The following TBC1D4 variants were observed in gnomAD, a reference collection of about 807,000 sequenced individuals.
TBC1D4 encodes TBC (Tre-2, BUB2, CDC16) domain-containing protein.
A neutral mutation model predicts 142.5 loss-of-function variants in TBC1D4; 121 were observed. The ratio of observed to expected loss-of-function variants is 0.85; its 90% CI spans 0.73 to 0.99. TBC1D4 has a LOEUF of 0.99. TBC1D4 is among the 50% of genes least tolerant of loss of function. TBC1D4 has a pLI of 0.00. For missense variants in TBC1D4, 1,475 were observed against 1,606.6 expected, an observed-to-expected ratio of 0.92 and a Z score of 1.40; for synonymous variants, 630 against 628.2, an observed-to-expected ratio of 1.00 and a Z score of -0.04.
chr13:75,289,168 CT>C, intron 19 of TBC1D4, 58 bp from the exon 20 acceptor site: 1 of 1,576,390 alleles, frequency 6.3e-7, no homozygotes, highest in Non-Finnish European at 8.7e-7. Flanking sequence ...AAGATACAGC[CT>C]GTTTATCTTG....
Position 75,349,222 on chromosome 13 carries a change from C to T in TBC1D4, c.1356G>A (p.Leu452=). ...AAGAGTGCATCGGGCAGGCCTCACA[C>T]AGTTTAATCTGCGTCTTGGCACTCT... is the stretch of plus-strand genomic sequence containing the variant. ...ALQSAKTQIK[L]CEACPMHSLH... Residue 452 remains leucine, a synonymous_variant, in exon 5 of 21, where the codon CTG becomes CTA. Coordinates refer to ENST00000377636, the MANE Select transcript of TBC1D4 (RefSeq NM_014832.5). 1 of 1,613,982 alleles carries T rather than the reference C, an allele frequency of 6.2e-7. No individual in the cohort carries two copies. Among genetic ancestry groups the T allele is most frequent in the Non-Finnish European group, 8.5e-7 (1 of 1,179,960 alleles).
At chr13:75,356,413 C>G (rs1003488711) in intron 3 of TBC1D4, among the ~76,000 whole-genome samples, 162 bp from the exon 4 acceptor site, 1 of 152,152 alleles carries the variant, frequency 6.6e-6, no homozygotes, top group Non-Finnish European at 1.5e-5. Context: ...CATGCAGTGG[C>G]CTGTTGATAC....
At chr13:75,444,871 G>A (rs151174278) in intron 1 of TBC1D4, among the ~76,000 whole-genome samples, 2,989 of 152,062 alleles carry the variant, frequency 0.02, 50 homozygotes, top group Non-Finnish European at 0.032. Flanking sequence ...TTCAATATTG[G>A]AAAAAATGAT....
intron 1 of TBC1D4, among the ~76,000 whole-genome samples, chr13:75,401,780 T>C (rs1192049461): frequency 6.6e-6 from 1 of 152,192 alleles, no homozygotes; most frequent in Non-Finnish European, 1.5e-5. Flanking sequence ...TTTTAGAATG[T>C]ATCTATCAAC....
chr13:75,449,645 G>T (rs866182961), intron 1 of TBC1D4, among the ~76,000 whole-genome samples: 1 of 151,520 alleles, frequency 6.6e-6, no homozygotes, highest in Non-Finnish European at 1.5e-5. Context: ...CAGTGCAGTG[G>T]TGTGATCTCG....
At position 75,361,931 on chromosome 13, in the gene TBC1D4, G is replaced by C. The variant is rs1439019051; in HGVS notation, c.1080+95C>G. ...AAAACAAATAAAAGTTAGATTATTC[G>C]TTATATAGAGGTGGAGCTGGGAGGA... On this transcript the variant is annotated intron_variant, in intron 2 of 20. Transcript: ENST00000377636. 12 of 1,393,118 alleles carry C rather than the reference G, an allele frequency of 8.6e-6. No individual in the cohort carries two copies. The East Asian group carries it at 9.2e-5, about 11-fold the overall frequency. 86.3% of individuals were successfully genotyped at this position (1,393,118 alleles called of 1,614,324 possible). A position where few individuals can be genotyped will look rare whatever the true frequency, so the allele number is the denominator to read the frequency against.
At chr13:75,374,182 C>A (rs1376768993) in intron 1 of TBC1D4, among the ~76,000 whole-genome samples, 3 of 152,102 alleles carry the variant, frequency 2.0e-5, no homozygotes, top group African/African-American at 4.8e-5. Flanking sequence ...CCACGCCAGG[C>A]CCTGCCCACT....
chr13:75,473,130 T>G (rs1432793465), intron 1 of TBC1D4, among the ~76,000 whole-genome samples: 1 of 152,166 alleles, frequency 6.6e-6, no homozygotes, highest in Non-Finnish European at 1.5e-5. Context: ...CCTGGGTAGC[T>G]GGGATTACAG....
intron 7 of TBC1D4, among the ~76,000 whole-genome samples, chr13:75,339,338 C>T (rs1880483576): frequency 6.6e-6 from 1 of 151,888 alleles, no homozygotes; most frequent in African/African-American, 2.4e-5. Context: ...ATAAATCTAC[C>T]ATCAGAAGAA....
In TBC1D4 at chr13:75,481,527, C is replaced by A. The variant is rs770167590; in HGVS notation, c.241G>T (p.Glu81Ter). Residue 81 changes from glutamate (E) to a stop codon, truncating the protein, a stop_gained, in exon 1 of 21, where the codon GAG (glutamate) becomes TAG (stop). Transcript: ENST00000377636. LOFTEE classifies it high-confidence loss of function. ...AGGCGAPAAR[E>*]VILVLSAPFL... ...GGCGCGCTGAGCACCAGGATCACCTCTCGGGCCGCCGGCGCCCCGCAGCCG... is the reference window on the plus strand; with the variant it reads ...GGCGCGCTGAGCACCAGGATCACCTATCGGGCCGCCGGCGCCCCGCAGCCG... The A allele has an allele frequency of 6.2e-7, 1 of 1,606,890 alleles. No homozygotes were observed. The highest frequency in any genetic ancestry group is 1.7e-5 in the Admixed American group (1 of 59,304).
At chr13:75,454,681 C>T (rs1019748928) in intron 1 of TBC1D4, among the ~76,000 whole-genome samples, 1 of 152,152 alleles carries the variant, frequency 6.6e-6, no homozygotes, top group Non-Finnish European at 1.5e-5. Flanking sequence ...AGGTCGCTTT[C>T]CAACAGAATT....
At chr13:75,448,219 A>G (rs1887375986) in intron 1 of TBC1D4, among the ~76,000 whole-genome samples, 1 of 152,298 alleles carries the variant, frequency 6.6e-6, no homozygotes, top group East Asian at 1.9e-4. Flanking sequence ...ATGAACGAAC[A>G]AGTGAATGAG....
chr13:75,294,948 T>C lies in TBC1D4; in HGVS notation c.3222A>G (p.Glu1074=). The change falls in exon 18 of 21, where the codon GAA becomes GAG. Residue 1074 remains glutamate (E), a synonymous_variant. Transcript: ENST00000377636. ...DYHRDLYNHL[E]ENEISPSLYA... is the part of the protein sequence containing the mutation. The stretch of plus-strand genomic sequence containing the variant: ...AAAGACTGGGGCTGATTTCATTTTC[T>C]TCAAGGTGATTGTAGAGATCTCTGT... 6.2e-7 allele frequency: 1 copy of C among 1,614,008 alleles called. No individual in the cohort carries two copies. Among genetic ancestry groups the C allele is most frequent in the South Asian group, 1.1e-5 (1 of 91,086 alleles).
At chr13:75,334,651 T>A (rs1038460017) in intron 8 of TBC1D4, among the ~76,000 whole-genome samples, 1 of 152,090 alleles carries the variant, frequency 6.6e-6, no homozygotes, top group Non-Finnish European at 1.5e-5. Context: ...TGGCATGATC[T>A]CAGCTCACTG....
chr13:75,343,859 A>G (rs1312476939), intron 5 of TBC1D4, among the ~76,000 whole-genome samples: 1 of 150,270 alleles, frequency 6.7e-6, no homozygotes, highest in Non-Finnish European at 1.5e-5. Flanking sequence ...TTATTTTTTG[A>G]GGCAGAGTTT....
chr13:75,420,972 T>C (rs1417697338), intron 1 of TBC1D4, among the ~76,000 whole-genome samples: 5 of 152,206 alleles, frequency 3.3e-5, no homozygotes, highest in African/African-American at 1.2e-4. Context: ...TACCCCCTGG[T>C]TCTCAAGAGC....
intron 1 of TBC1D4, among the ~76,000 whole-genome samples, chr13:75,432,824 T>C (rs921036912): frequency 2.6e-5 from 4 of 151,978 alleles, no homozygotes; most frequent in South Asian, 2.1e-4. Context: ...AGAAGTGGCA[T>C]TGGCATTAAA....
rs184668079 is a variant in TBC1D4 at position 75,476,031 on chromosome 13, T to A, written c.498+5239A>T. ...GCCCAGGCGGGCAGATCACTTGAGGTCAGGAGTTTGAGACCAGCCTGGCCA... is the reference window on the plus strand; with the variant it reads ...GCCCAGGCGGGCAGATCACTTGAGGACAGGAGTTTGAGACCAGCCTGGCCA... On this transcript the variant is annotated intron_variant, in intron 1 of 20. Transcript: ENST00000377636. 1.9e-3 allele frequency among the ~76,000 whole-genome samples: 293 copies of A among 152,180 alleles called. 2 individuals carry two copies. The highest frequency in any genetic ancestry group is 6.6e-3 in the African/African-American group (276 of 41,522).
intron 1 of TBC1D4, among the ~76,000 whole-genome samples, chr13:75,393,389 G>T (rs1009102049): frequency 2.0e-5 from 3 of 152,084 alleles, no homozygotes; most frequent in African/African-American, 7.2e-5. Context: ...AATAAAAATT[G>T]TATGGGACAT....
Sources: allele counts gnomAD v4.1 joint callset (sites outside exome capture counted in the v4.1 genomes callset), GRCh38; gene constraint gnomAD v4.1.1; transcripts MANE v1.5; gene names NCBI Gene and HGNC (gene_info 2026-07-23, HGNC 2026-07-21).